TAOK2: variants seen among roughly 807,000 people sequenced by gnomAD.
TAOK2 encodes the protein TAO kinase 2.
TAOK2 carries 42 observed loss-of-function variants against 122.5 expected under a neutral mutation model. The ratio of observed to expected loss-of-function variants is 0.34; its 90% CI spans 0.27 to 0.44. TAOK2 has a LOEUF of 0.44. TAOK2 is among the 20% of genes least tolerant of loss of function. The pLI, the probability that TAOK2 is intolerant of heterozygous loss-of-function variation, is 1.00. For synonymous variants in TAOK2, 704 were observed against 677.6 expected, an observed-to-expected ratio of 1.04 and a Z score of -0.61; for missense variants, 1,264 against 1,644.9, an observed-to-expected ratio of 0.77 and a Z score of 4.01.
Position 29,988,162 on chromosome 16 carries a change from GTCAC to G in TAOK2, c.*185_*188del, listed in dbSNP as rs1181895294. The G allele has an allele frequency of 3.5e-6, 5 of 1,432,962 alleles. No homozygotes were observed. The Admixed American group carries it at 1.2e-4, about 33-fold the overall frequency. 88.8% of individuals were successfully genotyped at this position (1,432,962 alleles called of 1,614,324 possible). A position where few individuals can be genotyped will look rare whatever the true frequency, so the allele number is the denominator to read the frequency against. On this transcript the variant is annotated 3_prime_UTR_variant, in exon 16 of 16. Transcript: ENST00000308893. ...GCCTCCTCAGCTGTGGAGTCCAGCA[GTCAC>G]TCTGTGTTCTCCTGGCGCTCCTCCC...
At position 29,977,824 on chromosome 16, in the gene TAOK2, CTCT is replaced by C; in HGVS notation, c.58_60del (p.Phe20del). ...CCTGAAGGACCCAGATGTGGCTGAG[CTCT>C]TCTTCAAGGATGACCCAGAAAAGCT... On this transcript the variant is annotated inframe_deletion, in exon 2 of 16. Coordinates refer to ENST00000308893, the MANE Select transcript of TAOK2 (RefSeq NM_016151.4). 1 of 1,614,198 alleles carries C rather than the reference CTCT, an allele frequency of 6.2e-7. No homozygotes were observed. The highest frequency in any genetic ancestry group is 8.5e-7 in the Non-Finnish European group (1 of 1,180,022).
chr16:29,986,641 G>A lies in TAOK2; in HGVS notation c.2369G>A (p.Gly790Asp), dbSNP rs777249780. 8.7e-6 allele frequency: 14 copies of A among 1,611,900 alleles called. No homozygotes were observed. The highest frequency in any genetic ancestry group is 1.2e-5 in the Non-Finnish European group (14 of 1,179,194). ...QEAVLDQRMLGEEEEAVGERR... is the reference protein window; with the variant it reads ...QEAVLDQRMLDEEEEAVGERR... ...GCAGTCCTGGACCAAAGAATGCTTG[G>A]CGAGGAGGAGGAAGCAGTTGGAGAG... Residue 790 changes from glycine (G) to aspartate (D), a missense_variant, in exon 16 of 16, where the codon GGC becomes GAC. Coordinates refer to ENST00000308893, the MANE Select transcript of TAOK2 (RefSeq NM_016151.4). The surrounding 1 kb of genome is among the most constrained non-coding windows in gnomAD (Gnocchi z 4.2).
At chr16:29,975,897 C>G (rs925893203) in intron 1 of TAOK2, among the ~76,000 whole-genome samples, 3 of 152,158 alleles carry the variant, frequency 2.0e-5, no homozygotes, top group African/African-American at 7.2e-5. Context: ...AGACCAAGAA[C>G]TGGAAGGAAC....
At position 29,987,786 on chromosome 16, in the gene TAOK2, T is replaced by C; in HGVS notation, c.3514T>C (p.Leu1172=). 6.2e-7 allele frequency: 1 copy of C among 1,613,860 alleles called. No homozygotes were observed. The highest frequency in any genetic ancestry group is 8.5e-7 in the Non-Finnish European group (1 of 1,179,892). The change falls in exon 16 of 16, where the codon TTG becomes CTG. Residue 1172 remains leucine, a synonymous_variant. Transcript: ENST00000308893. ...ARASQGLASH[L]PPWAIHTLAS... ...GGCCAGCCAGGGTTTAGCATCCCAC[T>C]TGCCCCCGTGGGCCATCCACACACT...
chr16:29,983,600 C>G lies in TAOK2; in HGVS notation c.1358C>G (p.Ser453Cys). Residue 453 changes from serine to cysteine, a missense_variant, in exon 13 of 16, where the codon TCC becomes TGC. Coordinates refer to ENST00000308893, the MANE Select transcript of TAOK2 (RefSeq NM_016151.4). ...AAPAPTSTTS[S>C]ARRRAYCRNR... ...CCAGCTCCCACTTCCACCACCTCTT[C>G]CGCCCGCCGCCGGGCCTACTGCCGT... is the stretch of plus-strand genomic sequence containing the variant. 6.2e-7 allele frequency: 1 copy of G among 1,613,870 alleles called. No individual in the cohort carries two copies. The highest frequency in any genetic ancestry group is 8.5e-7 in the Non-Finnish European group (1 of 1,180,004).
At position 29,985,309 on chromosome 16, in the gene TAOK2, C is replaced by T. The variant is rs752262095; in HGVS notation, c.1519C>T (p.Leu507=). The part of the protein sequence containing the change: ...RMRRQHQKQL[L]ALESRLRGER... The stretch of plus-strand genomic sequence containing the variant: ...GCGACGACAGCACCAGAAGCAGCTG[C>T]TGGCCCTGGAGTCACGGCTGAGGGG... The change falls in exon 14 of 16, where the codon CTG becomes TTG. Residue 507 remains leucine, a synonymous_variant. Transcript: ENST00000308893. This position sits in a 1 kb window ranked among gnomAD's most constrained non-coding sequence, Gnocchi z 6.9. 20 of 1,607,012 alleles carry T rather than the reference C, an allele frequency of 1.2e-5. No homozygotes were observed. Among genetic ancestry groups the T allele is most frequent in the Non-Finnish European group, 1.6e-5 (19 of 1,175,670 alleles).
downstream of TAOK2, chr16:29,989,397 C>T: frequency 2.0e-6 from 2 of 985,186 alleles, no homozygotes; most frequent in Non-Finnish European, 2.4e-6. Flanking sequence ...GTCTGTCTGT[C>T]TGTATACAGC....
At position 29,977,738 on chromosome 16, in the gene TAOK2, G is replaced by A. The variant is rs759272375; in HGVS notation, c.-35G>A. 4 of 1,612,482 alleles carry A rather than the reference G, an allele frequency of 2.5e-6. No individual in the cohort carries two copies. Among genetic ancestry groups the A allele is most frequent in the Non-Finnish European group, 3.4e-6 (4 of 1,179,552 alleles). On this transcript the variant is annotated splice_region_variant and 5_prime_UTR_variant, in exon 2 of 16. Transcript: ENST00000308893. ...TAAGGGTCCCATTTCCATTCCTCAG[G>A]CCAGGCCCCACTCTCAGGGCCCCCA...
Position 29,988,322 on chromosome 16 carries a change from CCCTT to C in TAOK2, c.*345_*348del. On this transcript the variant is annotated 3_prime_UTR_variant, in exon 16 of 16. Transcript: ENST00000308893. ...CCTCTTTGATTTTGTTTTTCTGTCT[CCCTT>C]CCAACCTGTCCCCTTCCCCCCACCA... 9 of 1,411,488 alleles carry C rather than the reference CCCTT, an allele frequency of 6.4e-6. No homozygotes were observed. Among genetic ancestry groups the C allele is most frequent in the Non-Finnish European group, 8.4e-6 (9 of 1,072,822 alleles). The allele number at this position is 1,411,488 out of a possible 1,614,324, so 87.4% of individuals were successfully genotyped here. A position where few individuals can be genotyped will look rare whatever the true frequency, so the allele number is the denominator to read the frequency against.
At chr16:29,988,963 C>G (rs780763564), downstream of TAOK2, 11 of 985,250 alleles carry the variant, frequency 1.1e-5, no homozygotes, top group Non-Finnish European at 1.3e-5. Flanking sequence ...TTTCTGGCCA[C>G]CTCCTTTGCC....
chr16:29,977,295 G>T (rs1038857699), intron 1 of TAOK2, among the ~76,000 whole-genome samples: 3 of 152,192 alleles, frequency 2.0e-5, no homozygotes, highest in African/African-American at 7.2e-5. Context: ...GGTGTGAGAG[G>T]TTGAGGGAGG....
intron 8 of TAOK2, chr16:29,980,857 G>T (rs1596600945): frequency 6.6e-6 from 1 of 152,360 alleles, no homozygotes; most frequent in Non-Finnish European, 1.5e-5. Context: ...CAGGGAAGCA[G>T]TGTGGAGAAG....
intron 4 of TAOK2, 149 bp downstream of exon 4, chr16:29,978,502 C>T: frequency 1.1e-6 from 1 of 897,040 alleles, no homozygotes; most frequent in Non-Finnish European, 1.8e-6. Context: ...AGTCCTCAGA[C>T]ATACCCACTG....
At chr16:29,989,368 C>T (rs1364272494), downstream of TAOK2, 3 of 985,256 alleles carry the variant, frequency 3.0e-6, no homozygotes, top group African/African-American at 5.2e-5. Flanking sequence ...TCTCTCTCAA[C>T]ACGATCCCAC....
At position 29,978,105 on chromosome 16, in the gene TAOK2, A is replaced by C. The variant is rs763906149; in HGVS notation, c.149A>C (p.Asn50Thr). 1 of 1,614,006 alleles carries C rather than the reference A, an allele frequency of 6.2e-7. No individual in the cohort carries two copies. The highest frequency in any genetic ancestry group is 8.5e-7 in the Non-Finnish European group (1 of 1,180,010). ...GTCCTCTAGGCCCGGGATGTCCGGA[A>C]TAGTGAGGTGGTGGCCATCAAGAAG... ...GAVYFARDVR[N>T]SEVVAIKKMS... The change falls in exon 3 of 16, where the codon AAT becomes ACT. Residue 50 changes from asparagine to threonine, a missense_variant. By Grantham distance (65) the Asn-to-Thr change is moderately conservative. This residue lies in a region of TAOK2 where 254 missense variants were observed against 503.8 expected (regional missense o/e 0.50). Coordinates refer to ENST00000308893, the MANE Select transcript of TAOK2 (RefSeq NM_016151.4).
At position 29,987,141 on chromosome 16, in the gene TAOK2, T is replaced by G; in HGVS notation, c.2869T>G (p.Phe957Val). The change falls in exon 16 of 16, where the codon TTT becomes GTT. Residue 957 changes from phenylalanine (F) to valine (V), a missense_variant. This residue lies in a region of TAOK2 where 824 missense variants were observed against 908.7 expected (regional missense o/e 0.91). Transcript: ENST00000308893. The part of the protein sequence containing the change: ...LSHGLLAGLS[F>V]AVGSSSGLLP... ...CCATGGCCTCCTGGCCGGCCTCTCC[T>G]TTGCAGTGGGGTCCTCCTCTGGCCT... The G allele has an allele frequency of 6.3e-7, 1 of 1,587,348 alleles. No homozygotes were observed. The highest frequency in any genetic ancestry group is 8.5e-7 in the Non-Finnish European group (1 of 1,169,592).
rs1424869469 is a variant in TAOK2 at position 29,986,540 on chromosome 16, C to T, written c.2268C>T (p.Leu756=). ...GCCAGCGCCCCCCGGGCCTTCCACT[C>T]CCCATTCCTGGGGCTCTGGGCCCAC... The part of the protein sequence containing the change: ...RAGQRPPGLP[L]PIPGALGPPN... The change falls in exon 16 of 16, where the codon CTC becomes CTT. Residue 756 remains leucine, a synonymous_variant. Transcript: ENST00000308893. This position sits in a 1 kb window ranked among gnomAD's most constrained non-coding sequence, Gnocchi z 4.2. 1.2e-6 allele frequency: 2 copies of T among 1,613,512 alleles called. No homozygotes were observed. Among genetic ancestry groups the T allele is most frequent in the Non-Finnish European group, 1.7e-6 (2 of 1,179,818 alleles).
At chr16:29,984,748 G>A (rs547885530) in intron 13 of TAOK2, among the ~76,000 whole-genome samples, 4 of 152,222 alleles carry the variant, frequency 2.6e-5, no homozygotes, top group East Asian at 3.9e-4. Flanking sequence ...GTGATAGGCC[G>A]ACCATGTTTG....
rs2069875412 is a variant in TAOK2, at chr16:29,988,177, C to T, written c.*197C>T. On this transcript the variant is annotated 3_prime_UTR_variant, in exon 16 of 16. Transcript: ENST00000308893. ...GAGTCCAGCAGTCACTCTGTGTTCT[C>T]CTGGCGCTCCTCCCCTAAGTTATTG... is the stretch of plus-strand genomic sequence containing the variant. 7.0e-7 allele frequency: 1 copy of T among 1,432,810 alleles called. No homozygotes were observed. 88.8% of individuals were successfully genotyped at this position (1,432,810 alleles called of 1,614,324 possible).
Sources: allele counts gnomAD v4.1 joint callset (sites outside exome capture counted in the v4.1 genomes callset), GRCh38; gene constraint gnomAD v4.1.1; regional missense constraint gnomAD v4.1.1; non-coding constraint Gnocchi (gnomAD v3.1); transcripts MANE v1.5; gene names NCBI Gene and HGNC (gene_info 2026-07-23, HGNC 2026-07-21).